PBX4: variants seen among roughly 807,000 people sequenced by gnomAD.
PBX4 encodes the protein PBX homeobox 4, also known as pre-B-cell leukemia transcription factor 4.
Under a neutral mutation model 35.1 loss-of-function variants are expected in PBX4, and 26 were observed. That is an observed-to-expected ratio of 0.74 (90% CI 0.54 to 1.03). The LOEUF is 1.03. PBX4 is among the 50% of genes least tolerant of loss of function. The pLI, the probability that PBX4 is intolerant of heterozygous loss-of-function variation, is 0.00. For synonymous variants in PBX4, 199 were observed against 204.2 expected, an observed-to-expected ratio of 0.97 and a Z score of 0.22; for missense variants, 448 against 504.3, an observed-to-expected ratio of 0.89 and a Z score of 1.07.
At chr19:19,567,502 T>C (rs1820932366) in intron 5 of PBX4, among the ~76,000 whole-genome samples, 1 of 152,144 alleles carries the variant, frequency 6.6e-6, no homozygotes, top group Non-Finnish European at 1.5e-5. Context: ...CAGCAAGCCA[T>C]GCTGTGGGTC....
chr19:19,570,422 T>C (rs2061374806), intron 3 of PBX4, 123 bp from the exon 4 acceptor site: 1 of 1,430,860 alleles, frequency 7.0e-7, no homozygotes, highest in East Asian at 2.3e-5. Flanking sequence ...GGGTGACTGT[T>C]AAGTAAATGG....
intron 2 of PBX4, 137 bp downstream of exon 2, chr19:19,599,155 G>A (rs2061580100): frequency 3.0e-6 from 2 of 661,896 alleles, no homozygotes; most frequent in African/African-American, 3.6e-5. Flanking sequence ...TTTTAATAGA[G>A]ACAGGGTTTC....
chr19:19,580,630 C>T (rs1600413635), intron 2 of PBX4, among the ~76,000 whole-genome samples: 1 of 152,340 alleles, frequency 6.6e-6, no homozygotes, highest in South Asian at 2.1e-4. Context: ...AAGGTGCTCA[C>T]CAGGAGCCAC....
intron 2 of PBX4, among the ~76,000 whole-genome samples, chr19:19,594,160 C>G (rs953909356): frequency 1.7e-4 from 26 of 150,980 alleles, no homozygotes; most frequent in South Asian, 2.1e-4. Context: ...AATCCCAGCA[C>G]TTTGGGAGGC....
intron 6 of PBX4, 91 bp downstream of exon 6, chr19:19,564,842 G>A: frequency 6.8e-7 from 1 of 1,476,330 alleles, no homozygotes; most frequent in Non-Finnish European, 9.4e-7. Context: ...CTGGGGGAAG[G>A]GAGATGTGGT....
chr19:19,600,901 T>G (rs2061593698), intron 1 of PBX4, among the ~76,000 whole-genome samples: 1 of 151,852 alleles, frequency 6.6e-6, no homozygotes, highest in African/African-American at 2.4e-5. Context: ...CACACTATGG[T>G]CCTGCAGTGG....
intron 2 of PBX4, among the ~76,000 whole-genome samples, chr19:19,581,971 A>C (rs573125059): frequency 6.6e-6 from 1 of 152,280 alleles, no homozygotes; most frequent in Non-Finnish European, 1.5e-5. Context: ...ATTCCCCAGG[A>C]GAGTGCCCTG....
At chr19:19,599,762 C>G (rs972850589) in intron 1 of PBX4, among the ~76,000 whole-genome samples, 1 of 152,134 alleles carries the variant, frequency 6.6e-6, no homozygotes, top group South Asian at 2.1e-4. Flanking sequence ...TGCCTGAGGT[C>G]AGGAGTTCGA....
At chr19:19,603,471 G>A (rs1265104554) in intron 1 of PBX4, among the ~76,000 whole-genome samples, 2 of 152,150 alleles carry the variant, frequency 1.3e-5, no homozygotes, top group East Asian at 3.9e-4. Flanking sequence ...ACTACACACA[G>A]CTAATTTTTG....
chr19:19,605,912 ACT>A (rs2061628497), intron 1 of PBX4, among the ~76,000 whole-genome samples: 2 of 148,364 alleles, frequency 1.3e-5, no homozygotes, highest in South Asian at 4.2e-4. Flanking sequence ...AGTAGAAAGC[ACT>A]TTTTAATGCA....
chr19:19,573,551 T>C (rs766165242), intron 2 of PBX4, among the ~76,000 whole-genome samples: 2 of 152,148 alleles, frequency 1.3e-5, no homozygotes, highest in African/African-American at 4.8e-5. Context: ...AAGTCTCCAG[T>C]ACCCAGGCAG....
At chr19:19,568,574 C>T (rs2061359366) in intron 5 of PBX4, among the ~76,000 whole-genome samples, 1 of 150,590 alleles carries the variant, frequency 6.6e-6, no homozygotes, top group Non-Finnish European at 1.5e-5. Flanking sequence ...GGAGCTCACA[C>T]TCCATCTGTA....
intron 2 of PBX4, among the ~76,000 whole-genome samples, chr19:19,574,272 G>C (rs922736785): frequency 6.6e-6 from 1 of 152,218 alleles, no homozygotes; most frequent in Non-Finnish European, 1.5e-5. Context: ...CTATATCAGA[G>C]TGGGTATTCC....
intron 2 of PBX4, among the ~76,000 whole-genome samples, chr19:19,597,847 G>A (rs1301535252): frequency 6.6e-6 from 1 of 152,162 alleles, no homozygotes; most frequent in East Asian, 1.9e-4. Flanking sequence ...AGCAGTGACA[G>A]GACATATTGA....
chr19:19,568,580 CT>C (rs2061359475), intron 5 of PBX4, among the ~76,000 whole-genome samples: 1 of 150,636 alleles, frequency 6.6e-6, no homozygotes, highest in South Asian at 2.1e-4. Flanking sequence ...CACACTCCAT[CT>C]GTATCCCTCA....
intron 2 of PBX4, among the ~76,000 whole-genome samples, chr19:19,575,153 C>T (rs912722970): frequency 2.7e-4 from 40 of 150,916 alleles, no homozygotes; most frequent in Middle Eastern, 3.5e-3. Flanking sequence ...AGGAGAATGG[C>T]GTGCACCCGG....
At chr19:19,587,370 C>G (rs1227439945) in intron 2 of PBX4, among the ~76,000 whole-genome samples, 1 of 151,918 alleles carries the variant, frequency 6.6e-6, no homozygotes, top group Non-Finnish European at 1.5e-5. Context: ...GGCATATCAC[C>G]TGAGGTCGGG....
At chr19:19,573,940 G>T (rs1808738251) in intron 2 of PBX4, among the ~76,000 whole-genome samples, 1 of 152,126 alleles carries the variant, frequency 6.6e-6, no homozygotes, top group Non-Finnish European at 1.5e-5. Context: ...ATGTTGGCCA[G>T]GCTAATCTCG....
At chr19:19,602,296 G>A (rs2061602813) in intron 1 of PBX4, among the ~76,000 whole-genome samples, 1 of 152,126 alleles carries the variant, frequency 6.6e-6, no homozygotes, top group South Asian at 2.1e-4. Context: ...CAACATGAAG[G>A]TCATAGGTGA....
Sources: allele counts gnomAD v4.1 joint callset (sites outside exome capture counted in the v4.1 genomes callset), GRCh38; gene constraint gnomAD v4.1.1; transcripts MANE v1.5; gene names NCBI Gene and HGNC (gene_info 2026-07-23, HGNC 2026-07-21).